Variants in TMEM59 observed in about 807,000 individuals in gnomAD.
The protein encoded by TMEM59 is transmembrane protein 59.
In TMEM59, 44 loss-of-function variants were observed where a neutral mutation model predicts 42.2. That is an observed-to-expected ratio of 1.04 (90% CI 0.82 to 1.34). The LOEUF (loss-of-function observed/expected upper bound fraction) is 1.34, where lower values mean the gene tolerates loss of function less well. TMEM59 is among the 40% of genes most tolerant of loss of function. The pLI is 0.00. For synonymous variants in TMEM59, 148 were observed against 145.8 expected, an observed-to-expected ratio of 1.02 and a Z score of -0.11; for missense variants, 359 against 382.8, an observed-to-expected ratio of 0.94 and a Z score of 0.52.
chr1:54,039,764 C>T (rs3766466), intron 6 of TMEM59, among the ~76,000 whole-genome samples: 2 of 151,616 alleles, frequency 1.3e-5, no homozygotes, highest in South Asian at 2.1e-4. Context: ...TATCTGACAC[C>T]GAGTAGGTGA....
intron 1 of TMEM59, among the ~76,000 whole-genome samples, chr1:54,051,126 A>G (rs993861531): frequency 6.6e-6 from 1 of 152,086 alleles, no homozygotes; most frequent in East Asian, 1.9e-4. Context: ...AAGTGCTGGG[A>G]TTACAAGCGT....
chr1:54,039,483 A>G (rs1253713390), intron 6 of TMEM59, among the ~76,000 whole-genome samples: 2 of 152,266 alleles, frequency 1.3e-5, no homozygotes, highest in African/African-American at 2.4e-5. Context: ...AACCAGGTTT[A>G]GAAATGAACG....
intron 7 of TMEM59, chr1:54,033,553 G>A (rs1357252705): frequency 7.1e-6 from 1 of 139,986 alleles, no homozygotes; most frequent in Non-Finnish European, 1.5e-5. Context: ...AGTGGGGTGA[G>A]ATCGCGACAC....
chr1:54,028,372 T>A lies in TMEM59; in HGVS notation c.*3778A>T, dbSNP rs1471837131. On this transcript the variant is annotated 3_prime_UTR_variant, in exon 8 of 8. Coordinates refer to ENST00000234831, the MANE Select transcript of TMEM59 (RefSeq NM_004872.5). ...ATTGTTGGCCTCTGGACTTGCCCTT[T>A]CTGGTCTATCTTCCACATTGCTGTC... is the stretch of plus-strand genomic sequence containing the variant. 1 of 152,240 alleles carries A rather than the reference T, an allele frequency of 6.6e-6. No homozygotes were observed. The highest frequency in any genetic ancestry group is 1.5e-5 in the Non-Finnish European group (1 of 68,048). 9.4% of individuals were successfully genotyped at this position (152,240 alleles called of 1,614,324 possible).
intron 5 of TMEM59, 97 bp from the exon 6 acceptor site, chr1:54,040,934 T>C (rs1657117739): frequency 1.1e-6 from 1 of 917,532 alleles, no homozygotes; most frequent in Non-Finnish European, 1.7e-6. Context: ...AGATATCCAA[T>C]TGTTTTTGTT....
chr1:54,040,792 T>A lies in TMEM59; in HGVS notation c.671A>T (p.Asp224Val), dbSNP rs369055592. 5.0e-6 allele frequency: 8 copies of A among 1,613,738 alleles called. No individual in the cohort carries two copies. The highest frequency in any genetic ancestry group is 1.3e-5 in the African/African-American group (1 of 74,912). The change falls in exon 6 of 8, where the codon GAT becomes GTT. Residue 224 changes from aspartate to valine, a missense_variant. Asp to Val is a radical substitution (Grantham distance 152). Coordinates refer to ENST00000234831, the MANE Select transcript of TMEM59 (RefSeq NM_004872.5). The part of the protein sequence containing the change: ...NSQAHRNFLE[D>V]GESDGFLRCL... ...TCTTAAAAAGCCATCACTTTCTCCA[T>A]CTTCAAGAAAATTCCTGTGCGCTTG...
intron 1 of TMEM59, among the ~76,000 whole-genome samples, chr1:54,051,841 C>G (rs1013085415): frequency 6.6e-6 from 1 of 152,212 alleles, no homozygotes; most frequent in Non-Finnish European, 1.5e-5. Flanking sequence ...TCCCTTCTCC[C>G]ACACTTTTTT....
At chr1:54,041,685 G>A in intron 5 of TMEM59, 39 bp downstream of exon 5, 2 of 1,523,904 alleles carry the variant, frequency 1.3e-6, no homozygotes, top group Non-Finnish European at 1.8e-6. Flanking sequence ...AGATTTGACT[G>A]CTAATGTTTT....
chr1:54,053,108 G>C lies in TMEM59; in HGVS notation c.81C>G (p.Ala27=). 1.2e-6 allele frequency: 2 copies of C among 1,614,250 alleles called. No individual in the cohort carries two copies. The highest frequency in any genetic ancestry group is 1.7e-6 in the Non-Finnish European group (2 of 1,180,050). Residue 27 remains alanine, a synonymous_variant, in exon 1 of 8, where the codon GCC becomes GCG. Transcript: ENST00000234831. ...CAGCCGAAGCGGTCCCCGAACCTCC[G>C]GCCAAGGCCATGGTCAGCAGCAGCA... ...PPLLLLTMAL[A]GGSGTASAEA...
intron 1 of TMEM59, among the ~76,000 whole-genome samples, chr1:54,050,370 G>A (rs1657488659): frequency 6.6e-6 from 1 of 151,972 alleles, no homozygotes; most frequent in Non-Finnish European, 1.5e-5. Context: ...GGATCCACTC[G>A]CCTCGGCCTC....
chr1:54,043,588 T>C (rs1657220365), intron 3 of TMEM59, 63 bp from the exon 4 acceptor site: 1 of 1,127,224 alleles, frequency 8.9e-7, no homozygotes, highest in African/African-American at 1.6e-5. Flanking sequence ...AAAAGAACAA[T>C]ATAATCAAGA....
rs1417184211 is a variant in TMEM59 at position 54,031,093 on chromosome 1, A to G, written c.*1057T>C. On this transcript the variant is annotated 3_prime_UTR_variant, in exon 8 of 8. Transcript: ENST00000234831. ...CTGGTGAAACCCCGTCTCTACTAAAAATACAAAATTATCCAGGTGTGGTGG... is the reference window on the plus strand; with the variant it reads ...CTGGTGAAACCCCGTCTCTACTAAAGATACAAAATTATCCAGGTGTGGTGG... 2 of 152,210 alleles carry G rather than the reference A, an allele frequency of 1.3e-5. No homozygotes were observed. The highest frequency in any genetic ancestry group is 4.8e-5 in the African/African-American group (2 of 41,410). The allele number at this position is 152,210 out of a possible 1,614,324, so 9.4% of individuals were successfully genotyped here.
intron 1 of TMEM59, among the ~76,000 whole-genome samples, chr1:54,049,279 T>C (rs1183635314): frequency 6.6e-6 from 1 of 152,248 alleles, no homozygotes; most frequent in Non-Finnish European, 1.5e-5. Flanking sequence ...CTACTATTCA[T>C]TTATTTTCTA....
At chr1:54,050,100 T>C (rs978552928) in intron 1 of TMEM59, among the ~76,000 whole-genome samples, 1 of 152,162 alleles carries the variant, frequency 6.6e-6, no homozygotes. Flanking sequence ...AAATAATTAG[T>C]TCTCAAAAAG....
chr1:54,028,128 G>A lies in TMEM59; in HGVS notation c.*4022C>T, dbSNP rs960103870. ...TGGTTGGCAAACGTAGAATTAAGAGGATGGTGATAAGAAACCAGGGATCCA... is the reference window on the plus strand; with the variant it reads ...TGGTTGGCAAACGTAGAATTAAGAGAATGGTGATAAGAAACCAGGGATCCA... On this transcript the variant is annotated 3_prime_UTR_variant, in exon 8 of 8. Coordinates refer to ENST00000234831, the MANE Select transcript of TMEM59 (RefSeq NM_004872.5). 6.6e-6 allele frequency: 1 copy of A among 152,212 alleles called. No individual in the cohort carries two copies. The highest frequency in any genetic ancestry group is 6.5e-5 in the Admixed American group (1 of 15,280). 9.4% of individuals were successfully genotyped at this position (152,212 alleles called of 1,614,324 possible).
chr1:54,049,580 A>C (rs940280029), intron 1 of TMEM59, among the ~76,000 whole-genome samples: 18 of 152,186 alleles, frequency 1.2e-4, no homozygotes, highest in African/African-American at 4.3e-4. Context: ...ATCCCAAATG[A>C]CTGGCAAGTT....
chr1:54,048,770 A>G (rs1315481331), intron 1 of TMEM59: 1 of 331,868 alleles, frequency 3.0e-6, no homozygotes, highest in African/African-American at 2.2e-5. Context: ...GATTAGTAAA[A>G]TTTACGCAGC....
Position 54,030,007 on chromosome 1 carries a change from AG to A in TMEM59, c.*2142del, listed in dbSNP as rs2100289400. The A allele has an allele frequency of 6.6e-6, 1 of 152,282 alleles. No individual in the cohort carries two copies. The highest frequency in any genetic ancestry group is 1.9e-4 in the East Asian group (1 of 5,186). The allele number at this position is 152,282 out of a possible 1,614,324, so 9.4% of individuals were successfully genotyped here. On this transcript the variant is annotated 3_prime_UTR_variant, in exon 8 of 8. Coordinates refer to ENST00000234831, the MANE Select transcript of TMEM59 (RefSeq NM_004872.5). ...ACATATAAGGAATTCTCTCAACAAGAGGGGAGATATTTGTCTAAACTTGGAT... is the reference window on the plus strand; with the variant it reads ...ACATATAAGGAATTCTCTCAACAAGAGGGAGATATTTGTCTAAACTTGGAT...
chr1:54,035,610 ATT>A (rs202132442), intron 7 of TMEM59, among the ~76,000 whole-genome samples: 1 of 147,772 alleles, frequency 6.8e-6, no homozygotes, highest in African/African-American at 2.6e-5. Flanking sequence ...ACACTCCAGC[ATT>A]TTTTTTTCTT....
Sources: gnomAD v4.1 joint callset for allele counts (sites outside exome capture counted in the v4.1 genomes callset) on GRCh38, gnomAD v4.1.1 for gene constraint, MANE v1.5 for transcripts, NCBI Gene and HGNC (gene_info 2026-07-23, HGNC 2026-07-21) for gene names.